FYB1: variants seen among roughly 807,000 people sequenced by gnomAD.
The protein encoded by FYB1 is FYN binding protein 1, also known as FYN-binding protein 1.
FYB1 carries 41 observed loss-of-function variants against 94.1 expected under a neutral mutation model. The observed-to-expected ratio is 0.44, with a 90% CI of 0.34 to 0.57. The LOEUF is 0.57. FYB1 is among the 20% of genes least tolerant of loss of function. The pLI is 0.02. For missense variants in FYB1, 1,050 were observed against 976.8 expected, an observed-to-expected ratio of 1.07 and a Z score of -1.00; for synonymous variants, 367 against 353.2, an observed-to-expected ratio of 1.04 and a Z score of -0.44.
At chr5:39,186,830 GT>G (rs1240493241) in intron 2 of FYB1, among the ~76,000 whole-genome samples, 1 of 151,864 alleles carries the variant, frequency 6.6e-6, no homozygotes, top group Non-Finnish European at 1.5e-5. Context: ...TGTGCTACGT[GT>G]TTTTACTACA....
intron 2 of FYB1, among the ~76,000 whole-genome samples, chr5:39,165,344 C>T (rs1400254546): frequency 6.6e-6 from 1 of 152,158 alleles, no homozygotes; most frequent in South Asian, 2.1e-4. Flanking sequence ...CACATACCCA[C>T]AGCCAACTGA....
At chr5:39,212,457 A>T (rs541265544) in intron 1 of FYB1, among the ~76,000 whole-genome samples, 1 of 152,318 alleles carries the variant, frequency 6.6e-6, no homozygotes, top group Admixed American at 6.5e-5. Flanking sequence ...AATATTTTGA[A>T]ACCTTACTCT....
chr5:39,153,067 C>A (rs1396133929), intron 3 of FYB1, among the ~76,000 whole-genome samples: 1 of 151,390 alleles, frequency 6.6e-6, no homozygotes, highest in Admixed American at 6.6e-5. Flanking sequence ...ACCTCATAAG[C>A]AGTCAGTAAA....
intron 1 of FYB1, among the ~76,000 whole-genome samples, chr5:39,245,887 AC>A (rs1751456809): frequency 6.6e-6 from 1 of 152,244 alleles, no homozygotes; most frequent in East Asian, 1.9e-4. Flanking sequence ...GGCATGAGCC[AC>A]TGCGTCTGGC....
chr5:39,152,166 A>C (rs1222435308), intron 3 of FYB1, among the ~76,000 whole-genome samples: 2 of 152,218 alleles, frequency 1.3e-5, no homozygotes, highest in Non-Finnish European at 2.9e-5. Flanking sequence ...AATGCCTTGA[A>C]GGGTGTGCAG....
intron 1 of FYB1, among the ~76,000 whole-genome samples, chr5:39,227,339 T>C (rs548240057): frequency 6.6e-6 from 1 of 152,334 alleles, no homozygotes; most frequent in South Asian, 2.1e-4. Flanking sequence ...ATGAAATTAT[T>C]ATTTTTCATA....
chr5:39,256,358 G>T (rs1453876648), intron 1 of FYB1, among the ~76,000 whole-genome samples: 3 of 152,150 alleles, frequency 2.0e-5, no homozygotes, highest in African/African-American at 7.2e-5. Context: ...TTAAAAAGAA[G>T]GACTTACCGT....
chr5:39,149,431 C>G (rs1561177666), intron 3 of FYB1, among the ~76,000 whole-genome samples: 1 of 152,316 alleles, frequency 6.6e-6, no homozygotes, highest in East Asian at 1.9e-4. Flanking sequence ...ATTCTCCCCT[C>G]TCTCCACCCT....
chr5:39,259,021 A>T (rs935813691), intron 1 of FYB1, among the ~76,000 whole-genome samples: 1 of 152,100 alleles, frequency 6.6e-6, no homozygotes, highest in African/African-American at 2.4e-5. Flanking sequence ...TGTTGCTGAG[A>T]TTGTGTTGGT....
intron 2 of FYB1, among the ~76,000 whole-genome samples, chr5:39,159,399 T>A (rs1045862471): frequency 6.6e-6 from 1 of 152,194 alleles, no homozygotes; most frequent in African/African-American, 2.4e-5. Context: ...GTAAAACTAT[T>A]TGAGTGGACA....
Position 39,269,524 on chromosome 5 carries a change from A to C in FYB1, c.-28+4879T>G, listed in dbSNP as rs76980800. Reference sequence around the variant, plus strand: ...GTACTCCCCTTCTCAAGACTCAGTGACTTGCACGCTATCACTCTTCCTTCT... The same window carrying C: ...GTACTCCCCTTCTCAAGACTCAGTGCCTTGCACGCTATCACTCTTCCTTCT... On this transcript the variant is annotated intron_variant, in intron 1 of 1. Transcript: ENST00000510188. 9.0e-3 allele frequency: 1,374 copies of C among 152,466 alleles called. 23 individuals are homozygous for C. Among genetic ancestry groups the C allele is most frequent in the African/African-American group, 0.031 (1,300 of 41,564 alleles). 9.4% of individuals were successfully genotyped at this position (152,466 alleles called of 1,614,324 possible).
At chr5:39,240,644 G>A (rs1176804293) in intron 1 of FYB1, among the ~76,000 whole-genome samples, 9 of 152,146 alleles carry the variant, frequency 5.9e-5, no homozygotes, top group Non-Finnish European at 1.0e-4. Context: ...CAGTCAAAAT[G>A]TCTGTTATTA....
chr5:39,213,055 CAT>C (rs1248425506), intron 1 of FYB1: 1 of 151,390 alleles, frequency 6.6e-6, no homozygotes, highest in Non-Finnish European at 1.5e-5. Context: ...TACATATACT[CAT>C]ATAATTATCA....
At chr5:39,231,261 C>T (rs1270595079) in intron 1 of FYB1, among the ~76,000 whole-genome samples, 1 of 151,816 alleles carries the variant, frequency 6.6e-6, no homozygotes, top group African/African-American at 2.4e-5. Flanking sequence ...GTCCCCATTT[C>T]CATCCTCAAT....
chr5:39,219,881 G>T (rs552134069), upstream of FYB1, among the ~76,000 whole-genome samples: 41 of 152,268 alleles, frequency 2.7e-4, no homozygotes, highest in Non-Finnish European at 5.1e-4. Flanking sequence ...AGTGTCACCT[G>T]CAATGGGGGC....
At chr5:39,227,822 A>C (rs1415714627) in intron 1 of FYB1, among the ~76,000 whole-genome samples, 1 of 152,168 alleles carries the variant, frequency 6.6e-6, no homozygotes, top group African/African-American at 2.4e-5. Flanking sequence ...GCTTTCCTTC[A>C]TCAGGCCTCA....
At chr5:39,269,194 C>T (rs1339463698) in intron 1 of FYB1, among the ~76,000 whole-genome samples, 1 of 152,208 alleles carries the variant, frequency 6.6e-6, no homozygotes, top group Non-Finnish European at 1.5e-5. Context: ...GGACTACAGG[C>T]ACCCACCACG....
At chr5:39,244,742 A>G (rs1308395717) in intron 1 of FYB1, among the ~76,000 whole-genome samples, 2 of 152,230 alleles carry the variant, frequency 1.3e-5, no homozygotes, top group Non-Finnish European at 2.9e-5. Context: ...TACCTCTGGT[A>G]GAATTCGGCT....
intron 11 of FYB1, among the ~76,000 whole-genome samples, chr5:39,127,434 G>C (rs1371894105): frequency 3.1e-5 from 4 of 130,850 alleles, no homozygotes; most frequent in African/African-American, 6.0e-5. Flanking sequence ...CTGGGCGACA[G>C]AGTGAGACTC....
Sources: gnomAD v4.1 joint callset for allele counts (sites outside exome capture counted in the v4.1 genomes callset) on GRCh38, gnomAD v4.1.1 for gene constraint, MANE v1.5 for transcripts, NCBI Gene and HGNC (gene_info 2026-07-23, HGNC 2026-07-21) for gene names.